The following MUC7 variants were observed in gnomAD, a reference collection of about 807,000 sequenced individuals.
The protein encoded by MUC7 is mucin 7, secreted, also known as mucin-7.
In MUC7, 2 loss-of-function variants were observed where a neutral mutation model predicts 2.5. The observed-to-expected ratio is 0.81, with a 90% CI of 0.33 to 2.55. The LOEUF is 2.55. MUC7 is among the 30% of genes most tolerant of loss of function. The pLI is 0.11. For missense variants in MUC7, 408 were observed against 455.6 expected, an observed-to-expected ratio of 0.90 and a Z score of 0.95; for synonymous variants, 133 against 173.4, an observed-to-expected ratio of 0.77 and a Z score of 1.83.
At chr4:70,450,600 A>G (rs1734255960) in intron 1 of MUC7, among the ~76,000 whole-genome samples, 1 of 152,182 alleles carries the variant, frequency 6.6e-6, no homozygotes, top group South Asian at 2.1e-4. Context: ...CAAGGTACTC[A>G]ATGTAGTACT....
chr4:70,461,923 C>T (rs1734567042), intron 1 of MUC7, among the ~76,000 whole-genome samples: 1 of 152,134 alleles, frequency 6.6e-6, no homozygotes, highest in South Asian at 2.1e-4. Context: ...GAAAGGTTGA[C>T]AAGCTGGGCC....
At chr4:70,433,605 T>C (rs2109785104) in intron 1 of MUC7, among the ~76,000 whole-genome samples, 1 of 152,358 alleles carries the variant, frequency 6.6e-6, no homozygotes, top group Admixed American at 6.5e-5. Flanking sequence ...AAGTTGCTTA[T>C]CAGCTTAAGG....
intron 1 of MUC7, among the ~76,000 whole-genome samples, chr4:70,473,023 A>G (rs1420906778): frequency 6.6e-6 from 1 of 152,214 alleles, no homozygotes; most frequent in Non-Finnish European, 1.5e-5. Context: ...TATAGCCAAA[A>G]TACAATTCTC....
chr4:70,459,648 A>G (rs1734505102), intron 1 of MUC7, among the ~76,000 whole-genome samples: 1 of 152,168 alleles, frequency 6.6e-6, no homozygotes, highest in Non-Finnish European at 1.5e-5. Context: ...TACAGACAGT[A>G]TAACAGAAAC....
At chr4:70,445,548 A>G (rs144325840) in intron 1 of MUC7, among the ~76,000 whole-genome samples, 1 of 152,302 alleles carries the variant, frequency 6.6e-6, no homozygotes, top group East Asian at 1.9e-4. Context: ...TCTTCTCTCC[A>G]GCACCACTCT....
Position 70,481,497 on chromosome 4 carries a change from C to A in MUC7, c.753C>A (p.Ser251=), listed in dbSNP as rs1023159035. The change falls in exon 3 of 3, where the codon TCC becomes TCA. Residue 251 remains serine, a synonymous_variant. Coordinates refer to ENST00000304887, the MANE Select transcript of MUC7 (RefSeq NM_152291.3). ...CAACTACACCAGCTCCACTATCTTC[C>A]TCAGCTCCACCAGAGACCACAGCTG... The part of the protein sequence containing the change: ...PSATTPAPLS[S]SAPPETTAVP... The A allele has an allele frequency of 6.2e-7, 1 of 1,602,468 alleles. No homozygotes were observed. The highest frequency in any genetic ancestry group is 1.7e-5 in the Admixed American group (1 of 59,286).
At chr4:70,465,599 A>G (rs974341602) in intron 1 of MUC7, among the ~76,000 whole-genome samples, 1 of 152,218 alleles carries the variant, frequency 6.6e-6, no homozygotes, top group Non-Finnish European at 1.5e-5. Context: ...TTCGTGAAGC[A>G]TACACAAGTA....
At chr4:70,476,351 T>G (rs1206805890) in intron 2 of MUC7, among the ~76,000 whole-genome samples, 1 of 152,232 alleles carries the variant, frequency 6.6e-6, no homozygotes, top group Non-Finnish European at 1.5e-5. Context: ...TGTGAAATGA[T>G]GAATCTGGGT....
intron 1 of MUC7, among the ~76,000 whole-genome samples, chr4:70,473,217 T>C (rs1327488134): frequency 6.6e-6 from 1 of 152,140 alleles, no homozygotes; most frequent in East Asian, 1.9e-4. Flanking sequence ...GGTGGATTGC[T>C]TGAGCCCAGG....
At chr4:70,432,568 T>C (rs540889057) in intron 1 of MUC7, among the ~76,000 whole-genome samples, 1 of 152,374 alleles carries the variant, frequency 6.6e-6, no homozygotes, top group Admixed American at 6.5e-5. Flanking sequence ...TCTGTTCGTA[T>C]CTTTTGCCCA....
At chr4:70,460,858 G>A (rs1312289851) in intron 1 of MUC7, among the ~76,000 whole-genome samples, 3 of 152,134 alleles carry the variant, frequency 2.0e-5, no homozygotes, top group Admixed American at 1.3e-4. Context: ...CTCTCACAAC[G>A]GCACCCTACT....
chr4:70,468,327 C>A (rs1209564833), upstream of MUC7, among the ~76,000 whole-genome samples: 2 of 151,920 alleles, frequency 1.3e-5, no homozygotes, highest in African/African-American at 4.8e-5. Context: ...GCTGGAAACA[C>A]TCCCTTTGAA....
At chr4:70,468,354 C>G (rs561283577), upstream of MUC7, among the ~76,000 whole-genome samples, 1 of 152,222 alleles carries the variant, frequency 6.6e-6, no homozygotes, top group Non-Finnish European at 1.5e-5. Flanking sequence ...CAGCACAAGA[C>G]AAGGATGCCC....
intron 1 of MUC7, among the ~76,000 whole-genome samples, chr4:70,461,981 G>A (rs1734568481): frequency 6.6e-6 from 1 of 152,140 alleles, no homozygotes; most frequent in Admixed American, 6.5e-5. Flanking sequence ...AGACGCCAAG[G>A]CAGGAAGATC....
intron 1 of MUC7, among the ~76,000 whole-genome samples, chr4:70,453,511 C>A (rs1271924057): frequency 6.6e-6 from 1 of 152,234 alleles, no homozygotes; most frequent in African/African-American, 2.4e-5. Flanking sequence ...GGGACTCACC[C>A]TTCAGGGCAC....
upstream of MUC7, among the ~76,000 whole-genome samples, chr4:70,469,922 G>C (rs1207122545): frequency 6.6e-6 from 1 of 152,090 alleles, no homozygotes; most frequent in Non-Finnish European, 1.5e-5. Flanking sequence ...ATACCCAAAG[G>C]ATTATAAATC....
At chr4:70,477,209 A>G (rs1187125250) in intron 2 of MUC7, among the ~76,000 whole-genome samples, 2 of 152,120 alleles carry the variant, frequency 1.3e-5, no homozygotes, top group Non-Finnish European at 2.9e-5. Flanking sequence ...CAGGAGTTCA[A>G]GACCAGCCTG....
chr4:70,460,362 GT>G (rs1175194541), intron 1 of MUC7, among the ~76,000 whole-genome samples: 1 of 152,066 alleles, frequency 6.6e-6, no homozygotes, highest in Non-Finnish European at 1.5e-5. Flanking sequence ...GAGAAGCCTT[GT>G]TTTGATAGAT....
chr4:70,479,625 T>C (rs375058116), intron 2 of MUC7, among the ~76,000 whole-genome samples: 17 of 152,294 alleles, frequency 1.1e-4, no homozygotes, highest in South Asian at 4.2e-4. Flanking sequence ...TAGTATGAGA[T>C]TGAATACAGG....
Sources: gnomAD v4.1 joint callset for allele counts (sites outside exome capture counted in the v4.1 genomes callset) on GRCh38, gnomAD v4.1.1 for gene constraint, MANE v1.5 for transcripts, NCBI Gene and HGNC (gene_info 2026-07-23, HGNC 2026-07-21) for gene names.